WDFY3: variants seen among roughly 807,000 people sequenced by gnomAD.
WDFY3 encodes WD repeat and FYVE domain-containing protein 3.
Under a neutral mutation model 409.6 loss-of-function variants are expected in WDFY3, and 66 were observed. The ratio of observed to expected loss-of-function variants is 0.16; its 90% CI spans 0.13 to 0.20. WDFY3 has a LOEUF of 0.20. WDFY3 is among the 10% of genes least tolerant of loss of function. WDFY3 has a pLI of 1.00. For synonymous variants in WDFY3, 1,521 were observed against 1,537.1 expected (o/e 0.99, Z 0.25); for missense variants, 3,031 against 4,298.1 (o/e 0.71, Z 8.24).
intron 2 of WDFY3, among the ~76,000 whole-genome samples, chr4:84,906,980 TTTA>T (rs923081534): frequency 6.6e-6 from 1 of 152,176 alleles, no homozygotes; most frequent in Non-Finnish European, 1.5e-5. Flanking sequence ...TATAAAATTC[TTTA>T]TTATTATTTT....
chr4:84,815,695 AC>A (rs1463068046), intron 13 of WDFY3, among the ~76,000 whole-genome samples: 1 of 152,174 alleles, frequency 6.6e-6, no homozygotes, highest in Non-Finnish European at 1.5e-5. Context: ...AGGAAAAAGT[AC>A]AAAAATGAGC....
intron 4 of WDFY3, among the ~76,000 whole-genome samples, chr4:84,850,926 C>CTTTTTTTTTTTTTTTTTTTTTTTTTTTTT (rs781440189): frequency 5.0e-4 from 16 of 32,154 alleles, no homozygotes; most frequent in Middle Eastern, 0.016. Flanking sequence ...TTTTATTTAT[C>CTTTTTTTTTTTTTTTTTTTTTTTTTTTTT]TGTTTTTTTT....
At chr4:84,719,575 A>T (rs1306419247) in intron 47 of WDFY3, among the ~76,000 whole-genome samples, 1 of 152,238 alleles carries the variant, frequency 6.6e-6, no homozygotes, top group Non-Finnish European at 1.5e-5. Context: ...ATATCTAAAT[A>T]TAAGTCAATT....
chr4:84,774,726 C>T (rs1745255056), intron 29 of WDFY3, 94 bp downstream of exon 29: 1 of 1,273,740 alleles, frequency 7.9e-7, no homozygotes, highest in Non-Finnish European at 1.1e-6. Context: ...TGTTATTACA[C>T]AGTCATAAAA....
At chr4:84,837,207 T>C (rs1291272517) in intron 6 of WDFY3, 117 bp from the exon 7 acceptor site, 7 of 867,518 alleles carry the variant, frequency 8.1e-6, no homozygotes, top group Non-Finnish European at 9.4e-6. Flanking sequence ...TTAAAATGCA[T>C]GTAAGAATTT....
intron 45 of WDFY3, 147 bp downstream of exon 45, chr4:84,726,714 T>G (rs750361976): frequency 1.6e-6 from 1 of 631,036 alleles, no homozygotes; most frequent in Non-Finnish European, 2.6e-6. Flanking sequence ...AAACCAACGG[T>G]TCAACTCTAA....
chr4:84,892,781 A>G (rs1017461737), intron 3 of WDFY3, among the ~76,000 whole-genome samples: 1 of 152,256 alleles, frequency 6.6e-6, no homozygotes, highest in Admixed American at 6.5e-5. Flanking sequence ...CATGAGACAG[A>G]GAATAAAATA....
chr4:84,713,857 G>A (rs554442553), intron 50 of WDFY3, among the ~76,000 whole-genome samples: 2 of 152,144 alleles, frequency 1.3e-5, no homozygotes, highest in Non-Finnish European at 2.9e-5. Flanking sequence ...GGTGGCTCAC[G>A]CCTGTAATCT....
intron 3 of WDFY3, among the ~76,000 whole-genome samples, chr4:84,879,797 A>C (rs1027173410): frequency 6.6e-6 from 1 of 152,228 alleles, no homozygotes; most frequent in African/African-American, 2.4e-5. Context: ...AAAGGCAAAC[A>C]ACCCAATAGA....
intron 51 of WDFY3, among the ~76,000 whole-genome samples, chr4:84,711,732 T>C (rs1216853940): frequency 2.0e-5 from 3 of 151,728 alleles, no homozygotes; most frequent in African/African-American, 4.8e-5. Flanking sequence ...GCACCTGTAG[T>C]CCCAGCTACT....
At chr4:84,803,247 C>A in intron 16 of WDFY3, 43 bp downstream of exon 16, 1 of 1,534,210 alleles carries the variant, frequency 6.5e-7, no homozygotes, top group Non-Finnish European at 8.8e-7. Context: ...TCCTTTCATT[C>A]ATTTCATTAC....
intron 1 of WDFY3, among the ~76,000 whole-genome samples, chr4:84,943,231 G>A (rs550879931): frequency 1.7e-4 from 26 of 152,248 alleles, no homozygotes; most frequent in African/African-American, 6.3e-4. Flanking sequence ...GCTGGGTGTG[G>A]TGGCTCACAC....
intron 35 of WDFY3, 94 bp from the exon 36 acceptor site, chr4:84,751,810 T>C: frequency 7.5e-7 from 1 of 1,327,554 alleles, no homozygotes; most frequent in Admixed American, 1.8e-5. Context: ...GCAGCAGCAT[T>C]TTCCACCTAT....
At chr4:84,865,001 C>T (rs1761177112) in intron 3 of WDFY3, among the ~76,000 whole-genome samples, 1 of 152,024 alleles carries the variant, frequency 6.6e-6, no homozygotes, top group Non-Finnish European at 1.5e-5. Context: ...GTTATTCTCC[C>T]TCCTCAGCCT....
intron 1 of WDFY3, among the ~76,000 whole-genome samples, chr4:84,933,210 C>T (rs1037588198): frequency 1.1e-4 from 16 of 151,910 alleles, no homozygotes; most frequent in African/African-American, 3.9e-4. Flanking sequence ...ACTCTTTAAT[C>T]GTATTATTAT....
chr4:84,832,525 G>A (rs968923210), intron 7 of WDFY3, among the ~76,000 whole-genome samples: 2 of 152,098 alleles, frequency 1.3e-5, no homozygotes, highest in Non-Finnish European at 2.9e-5. Flanking sequence ...TGTTTGAGGT[G>A]ATGGATATAT....
chr4:84,774,725 A>G lies in WDFY3; in HGVS notation c.4754+95T>C, dbSNP rs910957148. ...GTATTAACATTACAGGTGTTATTAC[A>G]CAGTCATAAAAACCAATTAAATTCA... is the stretch of plus-strand genomic sequence containing the variant. On this transcript the variant is annotated intron_variant, in intron 29 of 67. Transcript: ENST00000295888. 1.0e-5 allele frequency: 13 copies of G among 1,262,578 alleles called. No homozygotes were observed. In the Admixed American group the frequency reaches 3.2e-4, roughly 31 times the overall value. 78.2% of individuals were successfully genotyped at this position (1,262,578 alleles called of 1,614,324 possible).
chr4:84,844,141 G>C (rs113071297), intron 5 of WDFY3, among the ~76,000 whole-genome samples: 79 of 152,284 alleles, frequency 5.2e-4, no homozygotes, highest in African/African-American at 1.9e-3. Flanking sequence ...CCTACACTGA[G>C]AGTAAACAAA....
chr4:84,928,870 G>A (rs1035964662), intron 2 of WDFY3, among the ~76,000 whole-genome samples: 2 of 152,072 alleles, frequency 1.3e-5, no homozygotes, highest in Non-Finnish European at 2.9e-5. Flanking sequence ...AGTCTACACA[G>A]GACCAAAACA....
Sources: gnomAD v4.1 joint callset for allele counts (sites outside exome capture counted in the v4.1 genomes callset) on GRCh38, gnomAD v4.1.1 for gene constraint, MANE v1.5 for transcripts, NCBI Gene and HGNC (gene_info 2026-07-23, HGNC 2026-07-21) for gene names.